VPS8: variants seen among roughly 807,000 people sequenced by gnomAD.
VPS8 encodes VPS8 subunit of CORVET complex, also known as vacuolar protein sorting-associated protein 8 homolog.
In VPS8, 129 loss-of-function variants were observed where a neutral mutation model predicts 216.4. The observed-to-expected ratio is 0.60, with a 90% CI of 0.52 to 0.69. The LOEUF (loss-of-function observed/expected upper bound fraction) is 0.69, where lower values mean the gene tolerates loss of function less well. Among genes scored for constraint, VPS8 ranks in the 30% least tolerant of loss-of-function variants. VPS8 has a pLI of 0.00. For synonymous variants in VPS8, 571 were observed against 565.4 expected, an observed-to-expected ratio of 1.01 and a Z score of -0.14; for missense variants, 1,531 against 1,683.5, an observed-to-expected ratio of 0.91 and a Z score of 1.59.
Position 184,957,409 on chromosome 3 carries a change from T to C in VPS8, c.3071T>C (p.Ile1024Thr). ...GIHVNQELLQ[I>T]SPCITEQFIE... ...CATGTAAATCAAGAATTACTGCAAA[T>C]ATCTCCTTGTATCACAGAGCAGTTC... The change falls in exon 37 of 48, where the codon ATA becomes ACA. Residue 1024 changes from isoleucine (I) to threonine (T), a missense_variant. Physicochemically the swap from Ile to Thr is moderately conservative, Grantham distance 89. Around this residue, in one of 3 missense-constraint regions of VPS8, gnomAD observed 1,318 missense variants for 1,468.4 expected, o/e 0.90. Coordinates refer to ENST00000625842, the MANE Select transcript of VPS8 (RefSeq NM_001009921.3). 2 of 1,611,708 alleles carry C rather than the reference T, an allele frequency of 1.2e-6. No homozygotes were observed. The highest frequency in any genetic ancestry group is 1.7e-6 in the Non-Finnish European group (2 of 1,178,844).
chr3:184,883,094 T>A (rs1021822685), intron 21 of VPS8, among the ~76,000 whole-genome samples: 3 of 152,174 alleles, frequency 2.0e-5, no homozygotes, highest in Non-Finnish European at 4.4e-5. Flanking sequence ...AGTTCTTCCT[T>A]CTTGAAAGCC....
At chr3:184,820,180 C>T (rs1475798688) in intron 1 of VPS8, among the ~76,000 whole-genome samples, 1 of 152,204 alleles carries the variant, frequency 6.6e-6, no homozygotes, top group Non-Finnish European at 1.5e-5. Context: ...ATTTATTTTA[C>T]AGTTCAGTAC....
Position 184,832,792 on chromosome 3 carries a change from A to G in VPS8, c.326A>G (p.Asp109Gly). The stretch of plus-strand genomic sequence containing the variant: ...GATACTTCATCTGTGGCAAGCTCAG[A>G]TAGTGGTGACAGGACCAACTTAAAA... The part of the protein sequence containing the change: ...SYDTSSVASS[D>G]SGDRTNLKRK... Residue 109 changes from aspartate (D) to glycine (G), a missense_variant, in exon 4 of 48, where the codon GAT becomes GGT. Transcript: ENST00000625842. 1 of 1,610,196 alleles carries G rather than the reference A, an allele frequency of 6.2e-7. No individual in the cohort carries two copies. Among genetic ancestry groups the G allele is most frequent in the East Asian group, 2.2e-5 (1 of 44,850 alleles).
At chr3:184,893,387 T>A in intron 22 of VPS8, 1 of 1,136,788 alleles carries the variant, frequency 8.8e-7, no homozygotes, top group Non-Finnish European at 1.1e-6. Flanking sequence ...ATTACACATT[T>A]AGGAAAAAGT....
At chr3:184,877,881 A>G (rs1331882985) in intron 21 of VPS8, among the ~76,000 whole-genome samples, 1 of 152,234 alleles carries the variant, frequency 6.6e-6, no homozygotes, top group African/African-American at 2.4e-5. Context: ...ACCATGGTAA[A>G]TATACCTGAA....
At chr3:184,895,352 T>TA (rs968585118) in intron 23 of VPS8, among the ~76,000 whole-genome samples, 78 of 152,114 alleles carry the variant, frequency 5.1e-4, no homozygotes, top group Non-Finnish European at 9.4e-4. Context: ...GATGCCATTT[T>TA]AAAAAAGAGC....
At chr3:184,971,448 G>C (rs749411449) in intron 39 of VPS8, among the ~76,000 whole-genome samples, 5 of 152,178 alleles carry the variant, frequency 3.3e-5, no homozygotes, top group Admixed American at 3.3e-4. Context: ...TCCTACGAAT[G>C]TAAAACATTT....
At chr3:184,980,214 G>A (rs868175508) in intron 40 of VPS8, among the ~76,000 whole-genome samples, 14 of 151,750 alleles carry the variant, frequency 9.2e-5, no homozygotes, top group African/African-American at 2.9e-4. Context: ...CTTTCTAGCG[G>A]CCTTTAGTTT....
rs534540393 is a variant in VPS8 at position 185,047,634 on chromosome 3, G to A, written c.4057-845G>A. ...TCTCTGAATTGTAAGAAAAGCTAGC[G>A]TATACTGAGCCCTCGCCTGGTACTA... On this transcript the variant is annotated intron_variant, in intron 46 of 47. Transcript: ENST00000625842. 5.3e-5 allele frequency among the ~76,000 whole-genome samples: 8 copies of A among 152,246 alleles called. No individual in the cohort carries two copies. The South Asian group carries it at 1.2e-3, about 24-fold the overall frequency.
At chr3:184,870,053 T>A (rs951914029) in intron 20 of VPS8, among the ~76,000 whole-genome samples, 2 of 152,208 alleles carry the variant, frequency 1.3e-5, no homozygotes, top group Non-Finnish European at 1.5e-5. Context: ...GAATCTGGAT[T>A]ATTTCTGAAC....
chr3:185,041,929 C>T (rs765683197), intron 46 of VPS8, among the ~76,000 whole-genome samples: 1 of 152,152 alleles, frequency 6.6e-6, no homozygotes, highest in South Asian at 2.1e-4. Flanking sequence ...TGGGACTCTC[C>T]ATTGGCTAAA....
At chr3:184,999,640 A>C in intron 44 of VPS8, 56 bp from the exon 45 acceptor site, 1 of 1,531,000 alleles carries the variant, frequency 6.5e-7, no homozygotes, top group South Asian at 1.3e-5. Flanking sequence ...TTACAAGCTT[A>C]TATTTATGGA....
chr3:184,832,037 A>G (rs1391957416), intron 3 of VPS8, among the ~76,000 whole-genome samples: 1 of 152,244 alleles, frequency 6.6e-6, no homozygotes, highest in African/African-American at 2.4e-5. Context: ...ACTAGGCACT[A>G]GAGGTACAAT....
At chr3:184,826,943 C>T (rs1309289531) in intron 3 of VPS8, among the ~76,000 whole-genome samples, 5 of 152,164 alleles carry the variant, frequency 3.3e-5, no homozygotes, top group African/African-American at 1.2e-4. Flanking sequence ...TGGTGAAGCA[C>T]GCCTGTTTTA....
chr3:184,897,658 A>G (rs1269776798), intron 23 of VPS8, among the ~76,000 whole-genome samples: 1 of 152,094 alleles, frequency 6.6e-6, no homozygotes, highest in East Asian at 1.9e-4. Flanking sequence ...GTCCCAGAAC[A>G]GGCTTTTTCT....
At chr3:184,832,198 CA>C (rs1720137418) in intron 3 of VPS8, among the ~76,000 whole-genome samples, 1 of 152,174 alleles carries the variant, frequency 6.6e-6, no homozygotes. Flanking sequence ...TTCCCATGGA[CA>C]AAATCTGTAT....
intron 45 of VPS8, among the ~76,000 whole-genome samples, chr3:185,002,064 C>T (rs916687525): frequency 6.6e-6 from 1 of 152,014 alleles, no homozygotes; most frequent in East Asian, 1.9e-4. Context: ...AAACCCAGAA[C>T]TAGAAGGTAA....
chr3:184,904,701 C>A (rs1305793816), intron 25 of VPS8, among the ~76,000 whole-genome samples: 4 of 151,994 alleles, frequency 2.6e-5, no homozygotes, highest in Non-Finnish European at 5.9e-5. Context: ...ATGAGTGTAT[C>A]TTGGTATGTT....
chr3:184,856,063 A>C (rs112595609), intron 14 of VPS8, among the ~76,000 whole-genome samples: 31 of 152,226 alleles, frequency 2.0e-4, no homozygotes, highest in Admixed American at 1.0e-3. Flanking sequence ...TGGTATATGT[A>C]AATGTATAAA....
Sources: allele counts gnomAD v4.1 joint callset (sites outside exome capture counted in the v4.1 genomes callset), GRCh38; gene constraint gnomAD v4.1.1; regional missense constraint gnomAD v4.1.1; transcripts MANE v1.5; gene names NCBI Gene and HGNC (gene_info 2026-07-23, HGNC 2026-07-21).